TRDN: variants seen among roughly 807,000 people sequenced by gnomAD.
TRDN encodes triadin in skeletal muscle.
Under a neutral mutation model 149.7 loss-of-function variants are expected in TRDN, and 161 were observed. That is an observed-to-expected ratio of 1.08 (90% CI 0.95 to 1.23). TRDN has a LOEUF of 1.23. TRDN is among the 50% of genes most tolerant of loss of function. TRDN has a pLI of 0.00. For synonymous variants in TRDN, 294 were observed against 250.5 expected (o/e 1.17, Z -1.64); for missense variants, 896 against 823.5 (o/e 1.09, Z -1.08).
intron 12 of TRDN, among the ~76,000 whole-genome samples, chr6:123,422,684 C>A (rs1773958592): frequency 6.6e-6 from 1 of 152,066 alleles, no homozygotes. Context: ...CATTGCTGCT[C>A]ACAATTTATA....
intron 23 of TRDN, among the ~76,000 whole-genome samples, chr6:123,324,574 A>G (rs1458122075): frequency 1.3e-5 from 2 of 152,172 alleles, no homozygotes; most frequent in African/African-American, 4.8e-5. Flanking sequence ...TGAGATTGTG[A>G]CCCATTCTTT....
intron 30 of TRDN, among the ~76,000 whole-genome samples, chr6:123,270,691 G>C (rs1243188974): frequency 6.6e-6 from 1 of 151,822 alleles, no homozygotes; most frequent in Non-Finnish European, 1.5e-5. Context: ...CATTCTCTAA[G>C]GCAGACTTTA....
chr6:123,400,167 G>GCATATATATATA (rs1772898743), intron 12 of TRDN, among the ~76,000 whole-genome samples: 1 of 123,396 alleles, frequency 8.1e-6, no homozygotes, highest in Non-Finnish European at 1.7e-5. Context: ...ATATGTATGT[G>GCATATATATATA]TATATATATA....
intron 9 of TRDN, among the ~76,000 whole-genome samples, chr6:123,468,545 T>C (rs1450745679): frequency 6.6e-6 from 1 of 152,186 alleles, no homozygotes. Flanking sequence ...ATTCTAATGA[T>C]CTAAGTTACT....
chr6:123,351,400 G>C, intron 21 of TRDN: 2 of 984,688 alleles, frequency 2.0e-6, no homozygotes, highest in South Asian at 4.7e-5. Flanking sequence ...ACTGAAATTA[G>C]GATCCAGTGC....
chr6:123,388,801 TATA>T (rs1212530998), intron 13 of TRDN, among the ~76,000 whole-genome samples: 2 of 152,180 alleles, frequency 1.3e-5, no homozygotes, highest in East Asian at 3.8e-4. Context: ...AAGTCAAATT[TATA>T]TGTATATGCT....
At chr6:123,258,954 GT>G in intron 35 of TRDN, among the ~76,000 whole-genome samples, 1 of 152,202 alleles carries the variant, frequency 6.6e-6, no homozygotes, top group Middle Eastern at 3.4e-3. Context: ...TCTGATGGTA[GT>G]TTGTATTTCT....
intron 25 of TRDN, among the ~76,000 whole-genome samples, chr6:123,278,690 A>C (rs1777464824): frequency 6.6e-6 from 1 of 152,174 alleles, no homozygotes; most frequent in Non-Finnish European, 1.5e-5. Flanking sequence ...GAATCACTTG[A>C]GGCTGGTAGG....
intron 35 of TRDN, among the ~76,000 whole-genome samples, chr6:123,256,353 G>A (rs1415830176): frequency 2.0e-5 from 3 of 151,960 alleles, no homozygotes; most frequent in Admixed American, 2.0e-4. Context: ...GGGCATGTGG[G>A]TTGGTTCCAA....
chr6:123,402,406 C>G (rs1045036426), intron 12 of TRDN, among the ~76,000 whole-genome samples: 9 of 152,206 alleles, frequency 5.9e-5, no homozygotes, highest in African/African-American at 2.2e-4. Context: ...CTGAGCAGAG[C>G]TCTCTGAAAC....
At chr6:123,279,897 A>G (rs1365694934) in intron 24 of TRDN, among the ~76,000 whole-genome samples, 1 of 152,180 alleles carries the variant, frequency 6.6e-6, no homozygotes, top group Non-Finnish European at 1.5e-5. Flanking sequence ...TTTAGCAAAG[A>G]TAACATAACA....
intron 16 of TRDN, among the ~76,000 whole-genome samples, chr6:123,378,840 G>A (rs1175051784): frequency 6.6e-6 from 1 of 152,040 alleles, no homozygotes; most frequent in South Asian, 2.1e-4. Flanking sequence ...TCTTTATATA[G>A]CGTTTCTTTT....
intron 4 of TRDN, among the ~76,000 whole-genome samples, chr6:123,535,874 T>G (rs1487545256): frequency 6.6e-6 from 1 of 152,124 alleles, no homozygotes; most frequent in African/African-American, 2.4e-5. Context: ...ATCATGCATT[T>G]TGATAGGAAA....
At position 123,282,632 on chromosome 6, in the gene TRDN, A is replaced by G. The variant is rs573288965; in HGVS notation, c.1511-3550T>C. ...TAGAATTTTCATTGTAAAAGTAGAA[A>G]AAAGTAAACTTTCCAAATACAAGTA... On this transcript the variant is annotated intron_variant, in intron 24 of 40. Transcript: ENST00000334268. Among the ~76,000 whole-genome samples the G allele has an allele frequency of 9.2e-5, 14 of 151,976 alleles. No homozygotes were observed. In the South Asian group the frequency reaches 2.9e-3, roughly 32 times the overall value.
chr6:123,325,839 T>G (rs1412710682), intron 23 of TRDN, among the ~76,000 whole-genome samples: 1 of 152,104 alleles, frequency 6.6e-6, no homozygotes, highest in Non-Finnish European at 1.5e-5. Flanking sequence ...TCTTGATTCT[T>G]TCTTATAAAA....
chr6:123,350,819 C>T (rs1272409319), intron 21 of TRDN: 1 of 983,506 alleles, frequency 1.0e-6, no homozygotes, highest in African/African-American at 1.8e-5. Flanking sequence ...ATTTTTTTCA[C>T]ACAATCCAAG....
chr6:123,217,287 T>A lies in TRDN; in HGVS notation c.*1314A>T, dbSNP rs1363255087. ...CTTGGTCCTAAAGAACCGTAGTTAG[T>A]GGCAATCCTTGAAAATAAATCACTT... On this transcript the variant is annotated 3_prime_UTR_variant, in exon 41 of 41. Transcript: ENST00000334268. 4 of 152,030 alleles carry A rather than the reference T, an allele frequency of 2.6e-5. No homozygotes were observed. Among genetic ancestry groups the A allele is most frequent in the Admixed American group, 2.6e-4 (4 of 15,238 alleles). 9.4% of individuals were successfully genotyped at this position (152,030 alleles called of 1,614,324 possible). A position where few individuals can be genotyped will look rare whatever the true frequency, so the allele number is the denominator to read the frequency against.
chr6:123,540,129 A>G (rs1780752375), intron 4 of TRDN, among the ~76,000 whole-genome samples: 1 of 152,192 alleles, frequency 6.6e-6, no homozygotes, highest in African/African-American at 2.4e-5. Flanking sequence ...CTTCATTTCC[A>G]AGGGCGGGGG....
chr6:123,345,298 CA>C (rs1780209585), intron 21 of TRDN, among the ~76,000 whole-genome samples: 1 of 151,918 alleles, frequency 6.6e-6, no homozygotes, highest in South Asian at 2.1e-4. Context: ...GTTGCAACAC[CA>C]ATTTGTTCAA....
Sources: gnomAD v4.1 joint callset for allele counts (sites outside exome capture counted in the v4.1 genomes callset) on GRCh38, gnomAD v4.1.1 for gene constraint, MANE v1.5 for transcripts, NCBI Gene and HGNC (gene_info 2026-07-23, HGNC 2026-07-21) for gene names.